TMCO1: variants seen among roughly 807,000 people sequenced by gnomAD.
TMCO1 encodes calcium load-activated calcium channel.
A neutral mutation model predicts 29.3 loss-of-function variants in TMCO1; 29 were observed. The observed-to-expected ratio is 0.99, with a 90% CI of 0.74 to 1.35. TMCO1 has a LOEUF of 1.35. TMCO1 is among the 40% of genes most tolerant of loss of function. The probability of loss-of-function intolerance (pLI) is 0.00; values close to 1 mark genes in which losing one functional copy is unlikely to be tolerated. For missense variants in TMCO1, 173 were observed against 225.5 expected (o/e 0.77, Z 1.49); for synonymous variants, 80 against 77.1 (o/e 1.04, Z -0.20).
chr1:165,739,687 C>T (rs1242461671), intron 6 of TMCO1, among the ~76,000 whole-genome samples: 1 of 151,682 alleles, frequency 6.6e-6, no homozygotes, highest in Non-Finnish European at 1.5e-5. Context: ...CTGTGCCTGG[C>T]TCTAAATGAT....
rs772491686 is a variant in TMCO1 at position 165,768,833 on chromosome 1, G to A, written c.-82C>T. 4 of 1,596,264 alleles carry A rather than the reference G, an allele frequency of 2.5e-6. No individual in the cohort carries two copies. The highest frequency in any genetic ancestry group is 1.1e-5 in the South Asian group (1 of 89,382). ...GAAAAGTGAAGCGAAAACGGCTTCC[G>A]TAGACTCCGCCACCACCGAGTAACA... On this transcript the variant is annotated 5_prime_UTR_variant, in exon 1 of 7. The change creates a new upstream start codon in the 5' untranslated region. Coordinates refer to ENST00000367881, the MANE Select transcript of TMCO1 (RefSeq NM_019026.6).
chr1:165,734,657 C>T (rs1174255368), intron 6 of TMCO1, among the ~76,000 whole-genome samples: 5 of 152,134 alleles, frequency 3.3e-5, no homozygotes, highest in African/African-American at 1.2e-4. Flanking sequence ...AGGCGCCTGC[C>T]ACCATGCCCG....
chr1:165,738,585 A>C (rs1651473857), intron 6 of TMCO1, among the ~76,000 whole-genome samples: 1 of 152,208 alleles, frequency 6.6e-6, no homozygotes, highest in Admixed American at 6.5e-5. Context: ...CCATGATAAC[A>C]CTTCAAATGC....
intron 5 of TMCO1, 65 bp from the exon 6 acceptor site, chr1:165,743,376 A>C (rs1651674814): frequency 2.6e-6 from 4 of 1,543,852 alleles, no homozygotes; most frequent in Non-Finnish European, 3.5e-6. Flanking sequence ...TTACTTCCAA[A>C]GAAGAATCTG....
At chr1:165,757,426 T>C (rs1022694318) in intron 3 of TMCO1, among the ~76,000 whole-genome samples, 1 of 152,266 alleles carries the variant, frequency 6.6e-6, no homozygotes, top group African/African-American at 2.4e-5. Context: ...ATAGATCATC[T>C]TTCAAGCAAT....
intron 2 of TMCO1, among the ~76,000 whole-genome samples, chr1:165,763,549 C>A (rs1652470275): frequency 6.6e-6 from 1 of 152,152 alleles, no homozygotes; most frequent in Non-Finnish European, 1.5e-5. Flanking sequence ...TACTTACCTT[C>A]AAAGGAAGCA....
intron 6 of TMCO1, among the ~76,000 whole-genome samples, chr1:165,739,458 G>T (rs1441966902): frequency 6.6e-6 from 1 of 152,000 alleles, no homozygotes; most frequent in East Asian, 1.9e-4. Context: ...TGCAATCTCG[G>T]CTCACTGCAA....
chr1:165,738,203 G>A (rs1444259240), intron 6 of TMCO1, among the ~76,000 whole-genome samples: 2 of 152,186 alleles, frequency 1.3e-5, no homozygotes, highest in Non-Finnish European at 2.9e-5. Flanking sequence ...TGAGATGGGA[G>A]AATTGCTTGA....
rs78363884 is a variant in TMCO1 at position 165,728,104 on chromosome 1, G to A, written c.486C>T (p.Leu162=). The change falls in exon 7 of 7, where the codon CTC becomes CTT. Residue 162 remains leucine (L), a synonymous_variant. Coordinates refer to ENST00000367881, the MANE Select transcript of TMCO1 (RefSeq NM_019026.6). ...MSIRQNIQKI[L]GLAPSRAATK... ...TGGCGGCTCGTGAAGGGGCAAGGCC[G>A]AGAATCTTCTGAATGTTCTGTGAAG... 56,942 of 1,607,392 alleles carry A rather than the reference G, an allele frequency of 0.035. 1,221 individuals carry two copies. Among genetic ancestry groups the A allele is most frequent in the Admixed American group, 0.064 (3,836 of 59,774 alleles).
chr1:165,734,205 C>T (rs1022930523), intron 6 of TMCO1, among the ~76,000 whole-genome samples: 5 of 152,164 alleles, frequency 3.3e-5, no homozygotes, highest in Admixed American at 1.3e-4. Flanking sequence ...TACCAGGGCT[C>T]TCACATTATA....
intron 4 of TMCO1, among the ~76,000 whole-genome samples, chr1:165,753,732 G>C (rs578184597): frequency 6.6e-6 from 1 of 152,044 alleles, no homozygotes. Flanking sequence ...GGTCCCTAGA[G>C]CCCAAGAATT....
intron 6 of TMCO1, among the ~76,000 whole-genome samples, chr1:165,730,361 A>C (rs35862498): frequency 0.84 from 127,666 of 151,630 alleles, 53,952 homozygotes; most frequent in East Asian, 0.95. Flanking sequence ...AAAACAAAAA[A>C]AAAAAAAGAA....
chr1:165,768,785 G>C lies in TMCO1; in HGVS notation c.-34C>G, dbSNP rs201934474. ...TTCGTCTCTGCACTCTCACCCGCCAGGGGGAAAGCGCTCTACAGCCAGGAA... is the reference window on the plus strand; with the variant it reads ...TTCGTCTCTGCACTCTCACCCGCCACGGGGAAAGCGCTCTACAGCCAGGAA... On this transcript the variant is annotated 5_prime_UTR_variant, in exon 1 of 7. Coordinates refer to ENST00000367881, the MANE Select transcript of TMCO1 (RefSeq NM_019026.6). The C allele has an allele frequency of 4.2e-5, 68 of 1,613,898 alleles. No homozygotes were observed. In the East Asian group the frequency reaches 1.5e-3, roughly 36 times the overall value.
chr1:165,725,515 A>G (rs1286456794), downstream of TMCO1: 1 of 454,136 alleles, frequency 2.2e-6, no homozygotes, highest in South Asian at 1.6e-5. Flanking sequence ...TATGATTGCA[A>G]CCTGAGTAGA....
At chr1:165,762,011 T>TGGACA (rs1491584706) in intron 2 of TMCO1, among the ~76,000 whole-genome samples, 25 of 2,028 alleles carry the variant, frequency 0.012, 1 homozygote, top group South Asian at 0.033. Flanking sequence ...AACATTTTTA[T>TGGACA]TAAAATGTTA....
At chr1:165,732,113 C>G (rs1651181844) in intron 6 of TMCO1, among the ~76,000 whole-genome samples, 1 of 152,086 alleles carries the variant, frequency 6.6e-6, no homozygotes, top group South Asian at 2.1e-4. Context: ...GTGATGGTCT[C>G]AAGATGCAAG....
intron 5 of TMCO1, among the ~76,000 whole-genome samples, chr1:165,743,810 A>G (rs1651690529): frequency 6.6e-6 from 1 of 151,896 alleles, no homozygotes; most frequent in South Asian, 2.1e-4. Context: ...TATGAAGTTG[A>G]ACATGCATGA....
chr1:165,741,792 C>G (rs567303741), intron 6 of TMCO1, among the ~76,000 whole-genome samples: 1 of 152,118 alleles, frequency 6.6e-6, no homozygotes, highest in Non-Finnish European at 1.5e-5. Context: ...TGAGTTCTCA[C>G]GAGATCTGGT....
In TMCO1 at chr1:165,740,812, TG is replaced by T. The variant is rs1452556886; in HGVS notation, c.468+2354del. Among the ~76,000 whole-genome samples, 7 of 152,216 alleles carry T rather than the reference TG, an allele frequency of 4.6e-5. 1 individual carries two copies. The highest frequency in any genetic ancestry group is 4.6e-4 in the Admixed American group (7 of 15,282). On this transcript the variant is annotated intron_variant, in intron 6 of 6. Transcript: ENST00000367881. ...GTGAGTTCTCTCTGGTTCTCGCTCT[TG>T]CCTTCTCACCATGTGATGTCCTCCA...
Sources: allele counts gnomAD v4.1 joint callset (sites outside exome capture counted in the v4.1 genomes callset), GRCh38; gene constraint gnomAD v4.1.1; transcripts MANE v1.5; gene names NCBI Gene and HGNC (gene_info 2026-07-23, HGNC 2026-07-21).